GCC2: variants seen among roughly 807,000 people sequenced by gnomAD.
GCC2 encodes GRIP and coiled-coil domain-containing protein 2.
In GCC2, 120 loss-of-function variants were observed where a neutral mutation model predicts 210.6. The observed-to-expected ratio is 0.57, with a 90% CI of 0.49 to 0.66. GCC2 has a LOEUF of 0.66. Ranked by LOEUF, GCC2 falls within the 30% of genes least tolerant of loss-of-function variation. The pLI is 0.00. For synonymous variants in GCC2, 703 were observed against 652.7 expected (o/e 1.08, Z -1.17); for missense variants, 1,868 against 1,871.9 (o/e 1.00, Z 0.04).
In GCC2 at chr2:108,451,043, A is replaced by G; in HGVS notation, c.79A>G (p.Lys27Glu). The G allele has an allele frequency of 1.2e-6, 2 of 1,612,158 alleles. No individual in the cohort carries two copies. Among genetic ancestry groups the G allele is most frequent in the African/African-American group, 2.7e-5 (2 of 75,018 alleles). ...CATCTTTCAGCTGGAAACATTGCCC[A>G]AAGAAGACCTCATCAAGTTTGCCAA... ...TGKSKLETLP[K>E]EDLIKFAKKQ... is the part of the protein sequence containing the mutation. Residue 27 changes from lysine (K) to glutamate (E), a missense_variant, in exon 3 of 23, where the codon AAA (lysine) becomes GAA (glutamate). Transcript: ENST00000309863.
chr2:108,463,948 G>A (rs753575345), intron 4 of GCC2, among the ~76,000 whole-genome samples: 10 of 152,140 alleles, frequency 6.6e-5, no homozygotes, highest in South Asian at 2.1e-4. Context: ...GGTTGAGTGC[G>A]CAGGTGCCAC....
At position 108,470,780 on chromosome 2, in the gene GCC2, G is replaced by A. The variant is rs779054955; in HGVS notation, c.1451G>A (p.Arg484Gln). The change falls in exon 6 of 23, where the codon CGA becomes CAA. Residue 484 changes from arginine to glutamine, a missense_variant. Physicochemically the swap from Arg to Gln is conservative, Grantham distance 43. Around this residue, in one of 3 missense-constraint regions of GCC2, gnomAD observed 1,847 missense variants for 1,765.2 expected, o/e 1.05. Transcript: ENST00000309863. ...GCAATTTTAAATTATGAGAGTTTAC[G>A]AGAGATTATGGAAATTTTACAAACA... ...QEAILNYESL[R>Q]EIMEILQTEL... 9 of 1,613,646 alleles carry A rather than the reference G, an allele frequency of 5.6e-6. No homozygotes were observed. Among genetic ancestry groups the A allele is most frequent in the East Asian group, 2.2e-5 (1 of 44,882 alleles).
At position 108,470,133 on chromosome 2, in the gene GCC2, A is replaced by G; in HGVS notation, c.804A>G (p.Ala268=). 1.2e-6 allele frequency: 2 copies of G among 1,613,844 alleles called. No individual in the cohort carries two copies. The highest frequency in any genetic ancestry group is 1.7e-5 in the Admixed American group (1 of 60,028). The part of the protein sequence containing the change: ...QIEASAKEHE[A]EINKLNELKE... ...AAGCATCAGCTAAGGAACATGAAGCAGAGATAAATAAGTTGAACGAGCTAA... is the reference window on the plus strand; with the variant it reads ...AAGCATCAGCTAAGGAACATGAAGCGGAGATAAATAAGTTGAACGAGCTAA... The change falls in exon 6 of 23, where the codon GCA becomes GCG. Residue 268 remains alanine, a synonymous_variant. Coordinates refer to ENST00000309863, the MANE Select transcript of GCC2 (RefSeq NM_181453.4).
chr2:108,469,289 C>A, intron 5 of GCC2: 1 of 442,194 alleles, frequency 2.3e-6, no homozygotes. Flanking sequence ...GTTGCATTAT[C>A]TTTTTTATAG....
intron 20 of GCC2, 29 bp from the exon 21 acceptor site, chr2:108,496,941 A>G (rs1010548955): frequency 8.1e-6 from 13 of 1,610,928 alleles, no homozygotes; most frequent in Non-Finnish European, 1.1e-5. Context: ...ATGATTTTGA[A>G]AATTAATTCT....
At position 108,466,849 on chromosome 2, in the gene GCC2, A is replaced by G. The variant is rs888374526; in HGVS notation, c.217-2131A>G. On this transcript the variant is annotated intron_variant, in intron 4 of 22. Transcript: ENST00000309863. ...TCCATCTGGAGTTTATTTGTTTATAATATGGTATGAAGTCTTTTTTAATAT... is the reference window on the plus strand; with the variant it reads ...TCCATCTGGAGTTTATTTGTTTATAGTATGGTATGAAGTCTTTTTTAATAT... 3.9e-5 allele frequency among the ~76,000 whole-genome samples: 6 copies of G among 152,266 alleles called. No individual in the cohort carries two copies. The East Asian group carries it at 5.8e-4, about 15-fold the overall frequency.
chr2:108,473,990 A>G (rs1265728329), intron 7 of GCC2, among the ~76,000 whole-genome samples: 2 of 124,570 alleles, frequency 1.6e-5, no homozygotes, highest in Non-Finnish European at 3.5e-5. Flanking sequence ...TGTCTCTACT[A>G]AAAATCAAAA....
At position 108,470,805 on chromosome 2, in the gene GCC2, A is replaced by G; in HGVS notation, c.1476A>G (p.Thr492=). 2 of 1,613,726 alleles carry G rather than the reference A, an allele frequency of 1.2e-6. No homozygotes were observed. The change falls in exon 6 of 23, where the codon ACA becomes ACG. Residue 492 remains threonine (T), a synonymous_variant. Transcript: ENST00000309863. The part of the protein sequence containing the change: ...SLREIMEILQ[T]ELGESAGKIS... ...GAGAGATTATGGAAATTTTACAAAC[A>G]GAACTGGGGGAATCTGCTGGAAAAA...
In GCC2 at chr2:108,484,230, A is replaced by G; in HGVS notation, c.3532A>G (p.Asn1178Asp). 1 of 1,580,528 alleles carries G rather than the reference A, an allele frequency of 6.3e-7. No individual in the cohort carries two copies. ...GAAAGAACTAAATCAAAAGTTAACT[A>G]ATAAAAACAACAAGATAGAAGATTT... ...LMKELNQKLT[N>D]KNNKIEDLEQ... Residue 1178 changes from asparagine to aspartate, a missense_variant, in exon 13 of 23, where the codon AAT becomes GAT. Around this residue, in one of 3 missense-constraint regions of GCC2, gnomAD observed 1,847 missense variants for 1,765.2 expected, o/e 1.05. Coordinates refer to ENST00000309863, the MANE Select transcript of GCC2 (RefSeq NM_181453.4).
chr2:108,452,840 C>T (rs1680025725), intron 4 of GCC2, among the ~76,000 whole-genome samples: 1 of 151,790 alleles, frequency 6.6e-6, no homozygotes, highest in African/African-American at 2.4e-5. Context: ...ACTACAGGCG[C>T]CCGCCACCAC....
intron 5 of GCC2, 177 bp from the exon 6 acceptor site, chr2:108,469,474 A>G: frequency 1.9e-6 from 1 of 537,518 alleles, no homozygotes; most frequent in East Asian, 3.0e-5. Context: ...ATATTGTCAT[A>G]CTTTAGATAG....
At position 108,484,247 on chromosome 2, in the gene GCC2, A is replaced by G. The variant is rs1682016769; in HGVS notation, c.3549A>G (p.Ile1183Met). Residue 1183 changes from isoleucine (I) to methionine (M), a missense_variant, in exon 13 of 23, where the codon ATA becomes ATG. By Grantham distance (10) the Ile-to-Met change is conservative. Transcript: ENST00000309863. ...NQKLTNKNNK[I>M]EDLEQEIKIQ... ...AGTTAACTAATAAAAACAACAAGAT[A>G]GAAGATTTGGAGCAAGAAATAAAAA... is the stretch of plus-strand genomic sequence containing the variant. 2 of 1,576,830 alleles carry G rather than the reference A, an allele frequency of 1.3e-6. No homozygotes were observed. Among genetic ancestry groups the G allele is most frequent in the East Asian group, 4.5e-5 (2 of 44,500 alleles).
chr2:108,472,648 G>A (rs957346183), intron 6 of GCC2, among the ~76,000 whole-genome samples, 179 bp from the exon 7 acceptor site: 1 of 151,480 alleles, frequency 6.6e-6, no homozygotes, highest in African/African-American at 2.4e-5. Context: ...GCATAGTAAG[G>A]TCAGTATTAA....
rs1682216506 is a variant in GCC2, at chr2:108,487,744, C to T, written c.3976C>T (p.Arg1326Ter). 3 of 1,612,890 alleles carry T rather than the reference C, an allele frequency of 1.9e-6. No homozygotes were observed. The highest frequency in any genetic ancestry group is 1.3e-5 in the African/African-American group (1 of 74,956). Residue 1326 changes from arginine to a stop codon, truncating the protein, a stop_gained, in exon 17 of 23, where the codon CGA (arginine) becomes TGA (stop). Coordinates refer to ENST00000309863, the MANE Select transcript of GCC2 (RefSeq NM_181453.4). LOFTEE classifies it high-confidence loss of function. ...VTSEFESYKV[R>*]VHNVLKQQKN... ...CTCTGAATTCGAGAGCTACAAAGTC[C>T]GAGTTCATAATGTTCTAAAACAACA...
intron 16 of GCC2, among the ~76,000 whole-genome samples, 169 bp downstream of exon 16, chr2:108,486,817 C>G (rs572218352): frequency 6.6e-6 from 1 of 152,330 alleles, no homozygotes; most frequent in African/African-American, 2.4e-5. Context: ...CATGCCAACC[C>G]TAATCGTAAG....
chr2:108,480,290 A>T (rs898512901), intron 9 of GCC2, among the ~76,000 whole-genome samples: 1 of 152,220 alleles, frequency 6.6e-6, no homozygotes, highest in South Asian at 2.1e-4. Flanking sequence ...GAGAAAAAGG[A>T]ACACTTACAC....
At position 108,492,714 on chromosome 2, in the gene GCC2, A is replaced by T; in HGVS notation, c.4371A>T (p.Thr1457=). ...VRHLQEEHRK[T]VETLQQQLSK... ...ATTTGCAGGAAGAACACAGAAAGAC[A>T]GTGGAGACATTACAGCAGCAGCTCT... Residue 1457 remains threonine (T), a synonymous_variant, in exon 19 of 23, where the codon ACA becomes ACT. Transcript: ENST00000309863. The T allele has an allele frequency of 6.2e-7, 1 of 1,614,076 alleles. No individual in the cohort carries two copies. Among genetic ancestry groups the T allele is most frequent in the South Asian group, 1.1e-5 (1 of 91,076 alleles).
chr2:108,481,756 T>C lies in GCC2; in HGVS notation c.3120T>C (p.Ala1040=). 1 of 1,604,002 alleles carries C rather than the reference T, an allele frequency of 6.2e-7. No individual in the cohort carries two copies. Among genetic ancestry groups the C allele is most frequent in the Non-Finnish European group, 8.5e-7 (1 of 1,173,894 alleles). The change falls in exon 10 of 23, where the codon GCT becomes GCC. Residue 1040 remains alanine, a synonymous_variant. Coordinates refer to ENST00000309863, the MANE Select transcript of GCC2 (RefSeq NM_181453.4). Reference sequence around the variant, plus strand: ...AACTGGATGTGGAAAAAGAACGTGCTAATAATTTTGAGCATCGTATTGAAG... The same window carrying C: ...AACTGGATGTGGAAAAAGAACGTGCCAATAATTTTGAGCATCGTATTGAAG... The part of the protein sequence containing the change: ...SEQLDVEKER[A]NNFEHRIEDL...
intron 22 of GCC2, 125 bp from the exon 23 acceptor site, chr2:108,507,435 C>T: frequency 2.8e-6 from 1 of 351,634 alleles, no homozygotes; most frequent in Non-Finnish European, 4.9e-6. Context: ...GGCATGTAAT[C>T]AGTAAAAAAC....
Sources: gnomAD v4.1 joint callset for allele counts (sites outside exome capture counted in the v4.1 genomes callset) on GRCh38, gnomAD v4.1.1 for gene constraint, gnomAD v4.1.1 regional missense constraint, MANE v1.5 for transcripts, NCBI Gene and HGNC (gene_info 2026-07-23, HGNC 2026-07-21) for gene names.